DOCK2: variants seen among roughly 807,000 people sequenced by gnomAD.
DOCK2 encodes the protein dedicator of cytokinesis protein 2.
Under a neutral mutation model 248.9 loss-of-function variants are expected in DOCK2, and 87 were observed. The observed-to-expected ratio is 0.35, with a 90% CI of 0.29 to 0.42. DOCK2 has a LOEUF of 0.42. Ranked by LOEUF, DOCK2 falls within the 10% of genes least tolerant of loss-of-function variation. The pLI is 1.00. For synonymous variants in DOCK2, 805 were observed against 821.6 expected (o/e 0.98, Z 0.35); for missense variants, 1,747 against 2,300.2 (o/e 0.76, Z 4.92).
chr5:169,828,942 CTATT>C (rs1714554968), intron 26 of DOCK2, among the ~76,000 whole-genome samples: 1 of 152,194 alleles, frequency 6.6e-6, no homozygotes, highest in African/African-American at 2.4e-5. Flanking sequence ...GATTCACAAT[CTATT>C]TGTTTAACAG....
intron 22 of DOCK2, among the ~76,000 whole-genome samples, chr5:169,735,815 A>G (rs980127897): frequency 2.6e-5 from 4 of 152,192 alleles, no homozygotes; most frequent in Non-Finnish European, 5.9e-5. Context: ...TATGAAGAAA[A>G]GAGTAAGTTT....
At chr5:169,938,921 T>TTTTGA (rs1776110199) in intron 27 of DOCK2, among the ~76,000 whole-genome samples, 1 of 149,960 alleles carries the variant, frequency 6.7e-6, no homozygotes, top group Non-Finnish European at 1.5e-5. Flanking sequence ...TTTTTTTTTT[T>TTTTGA]GAAATGGAGT....
At chr5:170,042,237 G>A in intron 38 of DOCK2, 105 bp downstream of exon 38, 1 of 1,358,788 alleles carries the variant, frequency 7.4e-7, no homozygotes, top group Non-Finnish European at 9.9e-7. Flanking sequence ...AGATATCCCT[G>A]CAAATCCTAA....
intron 25 of DOCK2, among the ~76,000 whole-genome samples, chr5:169,785,656 C>G (rs1473432896): frequency 6.6e-6 from 1 of 152,092 alleles, no homozygotes; most frequent in Non-Finnish European, 1.5e-5. Flanking sequence ...TTCCCTGCTC[C>G]CTAAAGCAGA....
chr5:170,039,348 A>G (rs1001240646), intron 36 of DOCK2, among the ~76,000 whole-genome samples: 1 of 152,146 alleles, frequency 6.6e-6, no homozygotes, highest in African/African-American at 2.4e-5. Flanking sequence ...ACTCCTTCAC[A>G]ACACATATCA....
In DOCK2 at chr5:169,674,359, G is replaced by A; in HGVS notation, c.384G>A (p.Arg128=). ...TGATGTACGATCTGATGGAGTGGAG[G>A]TCCCAGCTTCTCTCAGGAACCTTAC... is the stretch of plus-strand genomic sequence containing the variant. ...QSMMYDLMEW[R]SQLLSGTLPK... Residue 128 remains arginine (R), a synonymous_variant, in exon 6 of 52, where the codon AGG becomes AGA. Transcript: ENST00000520908. 2 of 1,614,162 alleles carry A rather than the reference G, an allele frequency of 1.2e-6. No homozygotes were observed. The highest frequency in any genetic ancestry group is 8.5e-7 in the Non-Finnish European group (1 of 1,180,006).
At chr5:169,795,464 G>A (rs1408286772) in intron 25 of DOCK2, among the ~76,000 whole-genome samples, 4 of 152,162 alleles carry the variant, frequency 2.6e-5, no homozygotes, top group African/African-American at 4.8e-5. Flanking sequence ...TTGTAATGAG[G>A]CATGTTTCTG....
rs1020910844 is a variant in DOCK2, at chr5:169,763,512, G to A, written c.2554+1887G>A. Among the ~76,000 whole-genome samples, 1 of 152,210 alleles carries A rather than the reference G, an allele frequency of 6.6e-6. No homozygotes were observed. The highest frequency in any genetic ancestry group is 1.5e-5 in the Non-Finnish European group (1 of 68,046). ...CAGATGGAGTGCTAGCACGGGCCTGGGCTGGGCATGTGGTGTCAATTCCAG... is the reference window on the plus strand; with the variant it reads ...CAGATGGAGTGCTAGCACGGGCCTGAGCTGGGCATGTGGTGTCAATTCCAG... On this transcript the variant is annotated intron_variant, in intron 25 of 51. Coordinates refer to ENST00000520908, the MANE Select transcript of DOCK2 (RefSeq NM_004946.3). This position sits in a 1 kb window ranked among gnomAD's most constrained non-coding sequence, Gnocchi z 4.1.
At chr5:169,678,082 T>C (rs1047615596) in intron 6 of DOCK2, among the ~76,000 whole-genome samples, 3 of 152,162 alleles carry the variant, frequency 2.0e-5, no homozygotes, top group Non-Finnish European at 4.4e-5. Flanking sequence ...CTGGTTTGTT[T>C]TAAATTAGCC....
At chr5:169,985,657 A>G (rs148629774) in intron 28 of DOCK2, among the ~76,000 whole-genome samples, 171 bp from the exon 29 acceptor site, 92 of 152,330 alleles carry the variant, frequency 6.0e-4, no homozygotes, top group African/African-American at 2.1e-3. Context: ...CATTTGGGAA[A>G]CAGCATTCCA....
chr5:169,921,899 A>C (rs141224747), intron 27 of DOCK2, among the ~76,000 whole-genome samples: 407 of 152,354 alleles, frequency 2.7e-3, no homozygotes, highest in South Asian at 8.3e-3. Flanking sequence ...TAATACTGTG[A>C]TAGCCCCTTG....
At chr5:170,070,755 GA>G (rs1757653301) in intron 46 of DOCK2, among the ~76,000 whole-genome samples, 1 of 152,126 alleles carries the variant, frequency 6.6e-6, no homozygotes, top group Non-Finnish European at 1.5e-5. Flanking sequence ...CTCCACTGGG[GA>G]CCTCTTCTCC....
At chr5:169,675,984 A>G (rs186219679) in intron 6 of DOCK2, among the ~76,000 whole-genome samples, 1 of 151,102 alleles carries the variant, frequency 6.6e-6, no homozygotes, top group Non-Finnish European at 1.5e-5. Context: ...CGCAGCTGCT[A>G]CTGCCGTTGG....
At chr5:169,958,527 C>T (rs549956896) in intron 27 of DOCK2, among the ~76,000 whole-genome samples, 36 of 151,990 alleles carry the variant, frequency 2.4e-4, no homozygotes, top group Non-Finnish European at 3.2e-4. Flanking sequence ...AGCCCAGCCC[C>T]CTTTCCGTCT....
In DOCK2 at chr5:169,699,462, A is replaced by G; in HGVS notation, c.1132+4A>G. ...AAGGGGGACAGTGGAGGGCAAGGTA[A>G]AGTGCCAATATGCCAGTGGGCTGAG... On this transcript the variant is annotated splice_donor_region_variant and intron_variant, in intron 12 of 51. Transcript: ENST00000520908. The G allele has an allele frequency of 1.9e-6, 3 of 1,611,456 alleles. No individual in the cohort carries two copies. The highest frequency in any genetic ancestry group is 2.5e-6 in the Non-Finnish European group (3 of 1,178,476).
intron 2 of DOCK2, among the ~76,000 whole-genome samples, chr5:169,656,060 G>A (rs1232004757): frequency 6.6e-6 from 1 of 152,266 alleles, no homozygotes; most frequent in East Asian, 1.9e-4. Context: ...ATTGAATTGG[G>A]TCTGTGATTC....
rs150071550 is a variant in DOCK2, at chr5:169,996,149, G to A, written c.3057G>A (p.Thr1019=). 11 of 1,613,754 alleles carry A rather than the reference G, an allele frequency of 6.8e-6. No individual in the cohort carries two copies. Among genetic ancestry groups the A allele is most frequent in the African/African-American group, 1.3e-5 (1 of 74,876 alleles). ...ETMNQKFLEH[T]NFEFQLWNNY... ...TGAACCAGAAGTTCCTAGAACACACGAACTTTGAGTTCCAGGTGAGTATAA... is the reference window on the plus strand; with the variant it reads ...TGAACCAGAAGTTCCTAGAACACACAAACTTTGAGTTCCAGGTGAGTATAA... Residue 1019 remains threonine (T), a synonymous_variant, in exon 30 of 52, where the codon ACG becomes ACA. Coordinates refer to ENST00000520908, the MANE Select transcript of DOCK2 (RefSeq NM_004946.3).
chr5:169,960,357 G>A (rs1777035343), intron 27 of DOCK2, among the ~76,000 whole-genome samples: 1 of 152,158 alleles, frequency 6.6e-6, no homozygotes, highest in African/African-American at 2.4e-5. Context: ...TGCCTGAAAG[G>A]TGCTATTTCT....
Position 170,082,980 on chromosome 5 carries a change from T to A in DOCK2, c.*122T>A. On this transcript the variant is annotated 3_prime_UTR_variant, in exon 52 of 52. Coordinates refer to ENST00000520908, the MANE Select transcript of DOCK2 (RefSeq NM_004946.3). ...ACTGTCCCCATCAGTTGTCCTTACT[T>A]AGAGGAGACAGAGAGGCCAATCAGG... is the stretch of plus-strand genomic sequence containing the variant. 2 of 1,314,194 alleles carry A rather than the reference T, an allele frequency of 1.5e-6. No homozygotes were observed. The highest frequency in any genetic ancestry group is 2.1e-6 in the Non-Finnish European group (2 of 936,950). The allele number at this position is 1,314,194 out of a possible 1,614,324, so 81.4% of individuals were successfully genotyped here. A position where few individuals can be genotyped will look rare whatever the true frequency, so the allele number is the denominator to read the frequency against.
Sources: allele counts gnomAD v4.1 joint callset (sites outside exome capture counted in the v4.1 genomes callset), GRCh38; gene constraint gnomAD v4.1.1; non-coding constraint Gnocchi (gnomAD v3.1); transcripts MANE v1.5; gene names NCBI Gene and HGNC (gene_info 2026-07-23, HGNC 2026-07-21).